Variants in PRR5L observed in about 807,000 individuals in gnomAD.
PRR5L encodes the protein proline-rich protein 5-like.
A neutral mutation model predicts 36.4 loss-of-function variants in PRR5L; 21 were observed. That is an observed-to-expected ratio of 0.58 (90% CI 0.41 to 0.83). The LOEUF is 0.83. Ranked by LOEUF, PRR5L falls within the 40% of genes least tolerant of loss-of-function variation. The pLI is 0.00. For synonymous variants in PRR5L, 188 were observed against 197.0 expected, an observed-to-expected ratio of 0.95 and a Z score of 0.38; for missense variants, 381 against 473.3, an observed-to-expected ratio of 0.80 and a Z score of 1.81.
intron 4 of PRR5L, among the ~76,000 whole-genome samples, chr11:36,427,560 G>T (rs1858407908): frequency 6.6e-6 from 1 of 152,150 alleles, no homozygotes; most frequent in Non-Finnish European, 1.5e-5. Flanking sequence ...GTGAGGTGAG[G>T]TCCAGGAAGA....
At chr11:36,313,294 G>A (rs951740724) in intron 1 of PRR5L, among the ~76,000 whole-genome samples, 1 of 152,110 alleles carries the variant, frequency 6.6e-6, no homozygotes, top group African/African-American at 2.4e-5. Context: ...TGGTTGGGGT[G>A]AGAAAAAAGC....
chr11:36,383,180 G>T (rs330255), intron 1 of PRR5L, among the ~76,000 whole-genome samples: 121,211 of 152,198 alleles, frequency 0.8, 48,412 homozygotes, highest in East Asian at 0.89. Context: ...AGAGCCTTAG[G>T]AACTATAAAG....
intron 1 of PRR5L, among the ~76,000 whole-genome samples, chr11:36,357,385 G>A (rs775532542): frequency 3.3e-5 from 5 of 152,194 alleles, no homozygotes; most frequent in South Asian, 2.1e-4. Flanking sequence ...TGATGAAGGT[G>A]GCTAAACAGA....
At chr11:36,458,865 T>A (rs1859119512) in intron 8 of PRR5L, among the ~76,000 whole-genome samples, 1 of 152,178 alleles carries the variant, frequency 6.6e-6, no homozygotes, top group East Asian at 1.9e-4. Flanking sequence ...CCCCACTCCC[T>A]TTCTCCCCAC....
intron 1 of PRR5L, among the ~76,000 whole-genome samples, chr11:36,327,910 C>A (rs1246785971): frequency 6.6e-6 from 1 of 152,194 alleles, no homozygotes; most frequent in Non-Finnish European, 1.5e-5. Flanking sequence ...CTTACACTTA[C>A]TGATTGATGT....
intron 1 of PRR5L, among the ~76,000 whole-genome samples, chr11:36,374,451 A>T (rs1857233010): frequency 6.6e-6 from 1 of 151,994 alleles, no homozygotes; most frequent in South Asian, 2.1e-4. Context: ...ATGCTATTAA[A>T]AAAAAAAAGC....
intron 1 of PRR5L, among the ~76,000 whole-genome samples, chr11:36,339,448 G>T (rs1856798598): frequency 6.6e-6 from 1 of 152,132 alleles, no homozygotes; most frequent in Non-Finnish European, 1.5e-5. Flanking sequence ...ATCCCTGTTG[G>T]TTTATTGAGG....
chr11:36,324,622 C>A (rs1219149299), intron 1 of PRR5L, among the ~76,000 whole-genome samples: 1 of 151,974 alleles, frequency 6.6e-6, no homozygotes, highest in Non-Finnish European at 1.5e-5. Context: ...TAGTCATTGC[C>A]AAAAAATTCT....
intron 1 of PRR5L, among the ~76,000 whole-genome samples, chr11:36,359,838 A>C (rs2133500500): frequency 6.6e-6 from 1 of 152,294 alleles, no homozygotes; most frequent in Non-Finnish European, 1.5e-5. Flanking sequence ...TGAGGTCAGG[A>C]GTTTGAAGGC....
intron 8 of PRR5L, among the ~76,000 whole-genome samples, chr11:36,457,616 A>C (rs1859090458): frequency 6.6e-6 from 1 of 152,042 alleles, no homozygotes; most frequent in Non-Finnish European, 1.5e-5. Context: ...AAAAAAAAAA[A>C]AAACAAAACA....
rs144045746 is a variant in PRR5L, at chr11:36,387,053, G to A, written c.-125-13944G>A. On this transcript the variant is annotated intron_variant, in intron 1 of 8. Coordinates refer to ENST00000530639, the MANE Select transcript of PRR5L (RefSeq NM_001160167.2). Reference sequence around the variant, plus strand: ...ATCTAGTCTCCTATGCTGGCTTGGAGGGTTCTGCCTTCTGTGTGTTTCCTT... The same window carrying A: ...ATCTAGTCTCCTATGCTGGCTTGGAAGGTTCTGCCTTCTGTGTGTTTCCTT... Among the ~76,000 whole-genome samples the A allele has an allele frequency of 3.1e-3, 470 of 152,278 alleles. 3 individuals are homozygous for A. Among genetic ancestry groups the A allele is most frequent in the African/African-American group, 0.011 (454 of 41,536 alleles).
chr11:36,372,101 G>A (rs758211554), intron 1 of PRR5L, among the ~76,000 whole-genome samples: 3 of 152,028 alleles, frequency 2.0e-5, no homozygotes, highest in Non-Finnish European at 4.4e-5. Flanking sequence ...AAATAAATGC[G>A]ATAATGCGTA....
chr11:36,301,301 C>A (rs1453301399), intron 1 of PRR5L, among the ~76,000 whole-genome samples: 3 of 152,038 alleles, frequency 2.0e-5, no homozygotes, highest in Non-Finnish European at 2.9e-5. Flanking sequence ...AGAGTTGTGA[C>A]CAGAGTGGGT....
intron 6 of PRR5L, among the ~76,000 whole-genome samples, chr11:36,442,430 C>G (rs1858741772): frequency 6.6e-6 from 1 of 152,058 alleles, no homozygotes; most frequent in Admixed American, 6.5e-5. Flanking sequence ...CAACCTCCAC[C>G]TCCTGGGTTC....
rs530868260 is a variant in PRR5L, at chr11:36,421,199, T to C, written c.294+1896T>C. Among the ~76,000 whole-genome samples the C allele has an allele frequency of 2.0e-5, 3 of 152,290 alleles. No individual in the cohort carries two copies. The East Asian group carries it at 5.8e-4, about 29-fold the overall frequency. On this transcript the variant is annotated intron_variant, in intron 4 of 8. Coordinates refer to ENST00000530639, the MANE Select transcript of PRR5L (RefSeq NM_001160167.2). ...TCCTCCTTGACATTTAAAAGCTCCATGGTTTGGTGTGGTTTCAATCAGGTT... is the reference window on the plus strand; with the variant it reads ...TCCTCCTTGACATTTAAAAGCTCCACGGTTTGGTGTGGTTTCAATCAGGTT...
intron 1 of PRR5L, among the ~76,000 whole-genome samples, chr11:36,393,647 T>A (rs1857602802): frequency 6.6e-6 from 1 of 152,234 alleles, no homozygotes; most frequent in African/African-American, 2.4e-5. Flanking sequence ...CTCTGGAGAC[T>A]TTGGCAATTC....
At chr11:36,332,753 C>T (rs1395137167) in intron 1 of PRR5L, among the ~76,000 whole-genome samples, 1 of 152,134 alleles carries the variant, frequency 6.6e-6, no homozygotes, top group East Asian at 1.9e-4. Flanking sequence ...CTGGCACCTC[C>T]TCCTCCTGCT....
chr11:36,350,747 T>G (rs1264474416), intron 1 of PRR5L, among the ~76,000 whole-genome samples: 2 of 150,852 alleles, frequency 1.3e-5, no homozygotes, highest in Non-Finnish European at 2.9e-5. Context: ...TGCCTTTGCA[T>G]CCTTATAGCT....
At position 36,439,013 on chromosome 11, in the gene PRR5L, T is replaced by C. The variant is rs148684158; in HGVS notation, c.444+1537T>C. 4.1e-3 allele frequency among the ~76,000 whole-genome samples: 628 copies of C among 152,302 alleles called. 2 individuals carry two copies. Among genetic ancestry groups the C allele is most frequent in the African/African-American group, 0.014 (597 of 41,540 alleles). On this transcript the variant is annotated intron_variant, in intron 6 of 8. Transcript: ENST00000530639. ...CAAATAATGCAATATTTGGGACATA[T>C]TTATACTGAAAAACTCTTCAAATTT...
Sources: allele counts gnomAD v4.1 joint callset (sites outside exome capture counted in the v4.1 genomes callset), GRCh38; gene constraint gnomAD v4.1.1; transcripts MANE v1.5; gene names NCBI Gene and HGNC (gene_info 2026-07-23, HGNC 2026-07-21).